Variants in NDUFS1 observed in about 807,000 individuals in gnomAD.
The protein encoded by NDUFS1 is NADH-ubiquinone oxidoreductase 75 kDa subunit, mitochondrial.
NDUFS1 carries 61 observed loss-of-function variants against 84.4 expected under a neutral mutation model. The ratio of observed to expected loss-of-function variants is 0.72; its 90% CI spans 0.59 to 0.89. The LOEUF (loss-of-function observed/expected upper bound fraction) is 0.89, where lower values mean the gene tolerates loss of function less well. Ranked by LOEUF, NDUFS1 falls within the 40% of genes least tolerant of loss-of-function variation. NDUFS1 has a pLI of 0.00. For synonymous variants in NDUFS1, 275 were observed against 290.0 expected (o/e 0.95, Z 0.53); for missense variants, 891 against 890.0 (o/e 1.00, Z -0.01).
rs542321698 is a variant in NDUFS1 at position 206,156,428 on chromosome 2, A to T, written c.-4-2746T>A. Reference sequence around the variant, plus strand: ...TCTCTACCAAAAAAAAAAAAAAATTAGCTGGGTGTGGTGGCATGCGCCTGT... The same window carrying T: ...TCTCTACCAAAAAAAAAAAAAAATTTGCTGGGTGTGGTGGCATGCGCCTGT... On this transcript the variant is annotated intron_variant, in intron 1 of 18. Coordinates refer to ENST00000233190, the MANE Select transcript of NDUFS1 (RefSeq NM_005006.7). Among the ~76,000 whole-genome samples the T allele has an allele frequency of 9.9e-5, 15 of 151,554 alleles. No individual in the cohort carries two copies. In the East Asian group the frequency reaches 2.7e-3, roughly 27 times the overall value.
intron 18 of NDUFS1, among the ~76,000 whole-genome samples, chr2:206,125,245 T>C (rs1691245481): frequency 6.6e-6 from 1 of 152,112 alleles, no homozygotes; most frequent in Admixed American, 6.6e-5. Flanking sequence ...GTGGACTGCT[T>C]GAGTCCAGGA....
intron 10 of NDUFS1, among the ~76,000 whole-genome samples, chr2:206,143,585 G>A (rs890241674): frequency 1.3e-5 from 2 of 149,162 alleles, no homozygotes; most frequent in African/African-American, 4.9e-5. Context: ...TAGGAAGGCA[G>A]CTTTTTTTTT....
chr2:206,124,091 A>T lies in NDUFS1; in HGVS notation c.*94T>A, dbSNP rs1045186862. 16 of 800,354 alleles carry T rather than the reference A, an allele frequency of 2.0e-5. No homozygotes were observed. The highest frequency in any genetic ancestry group is 7.0e-5 in the African/African-American group (4 of 57,072). The allele number at this position is 800,354 out of a possible 1,614,324, so 49.6% of individuals were successfully genotyped here. A position where few individuals can be genotyped will look rare whatever the true frequency, so the allele number is the denominator to read the frequency against. ...ATATTACATGATTCAAATTATTATT[A>T]TTTTTTTTTACAAAGAAATAAACCT... On this transcript the variant is annotated 3_prime_UTR_variant, in exon 19 of 19. Transcript: ENST00000233190.
Position 206,126,532 on chromosome 2 carries a change from T to G in NDUFS1, c.2092+7A>C, listed in dbSNP as rs2105943472. 2.5e-6 allele frequency: 4 copies of G among 1,613,828 alleles called. No homozygotes were observed. Among genetic ancestry groups the G allele is most frequent in the Middle Eastern group, 3.3e-4 (2 of 6,062 alleles). On this transcript the variant is annotated splice_region_variant and intron_variant, in intron 18 of 18. Transcript: ENST00000233190. The stretch of plus-strand genomic sequence containing the variant: ...TATTTGGCAGAGTCATGTTGACAAT[T>G]ACATACCTGTCATGTAGAAGTCTTT...
At chr2:206,158,171 C>G (rs1008285819) in intron 1 of NDUFS1, among the ~76,000 whole-genome samples, 6 of 152,048 alleles carry the variant, frequency 3.9e-5, no homozygotes, top group Admixed American at 2.0e-4. Context: ...ACCGTGTTAG[C>G]CAGGATGGTC....
chr2:206,130,756 G>A (rs980854807), intron 14 of NDUFS1, among the ~76,000 whole-genome samples: 4 of 152,170 alleles, frequency 2.6e-5, no homozygotes, highest in Admixed American at 6.5e-5. Flanking sequence ...AGATTCTTAG[G>A]ACGCTCTGTC....
rs180882369 is a variant in NDUFS1, at chr2:206,131,635, C to T, written c.1553+1310G>A. Reference sequence around the variant, plus strand: ...TGGCGAACATGGTGAAATCCCATCTCTACTAAAAACAAAAAAATTAGGCCG... The same window carrying T: ...TGGCGAACATGGTGAAATCCCATCTTTACTAAAAACAAAAAAATTAGGCCG... On this transcript the variant is annotated intron_variant, in intron 14 of 18. Coordinates refer to ENST00000233190, the MANE Select transcript of NDUFS1 (RefSeq NM_005006.7). Among the ~76,000 whole-genome samples, 727 of 151,868 alleles carry T rather than the reference C, an allele frequency of 4.8e-3. 2 individuals are homozygous for T. The highest frequency in any genetic ancestry group is 0.014 in the Middle Eastern group (4 of 292).
chr2:206,149,704 G>GT, intron 4 of NDUFS1, 114 bp downstream of exon 4: 1 of 760,664 alleles, frequency 1.3e-6, no homozygotes, highest in South Asian at 1.5e-5. Context: ...TTTATAGATA[G>GT]AAGTAAAGAG....
Position 206,149,933 on chromosome 2 carries a change from TAAAAAAA to T in NDUFS1, c.154-15_154-9del, listed in dbSNP as rs568965659. The T allele has an allele frequency of 3.7e-3, 2,222 of 601,930 alleles. 2 individuals carry two copies. The highest frequency in any genetic ancestry group is 5.3e-3 in the Middle Eastern group (10 of 1,888). The allele number at this position is 601,930 out of a possible 1,614,324, so 37.3% of individuals were successfully genotyped here. A position where few individuals can be genotyped will look rare whatever the true frequency, so the allele number is the denominator to read the frequency against. On this transcript the variant is annotated splice_polypyrimidine_tract_variant and intron_variant, in intron 3 of 18. Coordinates refer to ENST00000233190, the MANE Select transcript of NDUFS1 (RefSeq NM_005006.7). ...GCCAACCTTCTCACAAGCCTAGAAG[TAAAAAAA>T]AAAAAAAAAAAAAAAAAAGCATTAG...
At chr2:206,136,523 T>C (rs887540401) in intron 13 of NDUFS1, among the ~76,000 whole-genome samples, 4 of 151,046 alleles carry the variant, frequency 2.6e-5, no homozygotes, top group Middle Eastern at 6.8e-3. Flanking sequence ...AACCTCCGTC[T>C]TCTGGGTTCA....
At position 206,144,016 on chromosome 2, in the gene NDUFS1, A is replaced by C; in HGVS notation, c.987+2T>G. ...TTTAACACTATTTATTTCAAATTTT[A>C]CCATTCCAGCTACGCGAGAGAGCGC... On this transcript the variant is annotated splice_donor_variant, in intron 10 of 18. Transcript: ENST00000233190. LOFTEE classifies it high-confidence loss of function. The C allele has an allele frequency of 6.3e-7, 1 of 1,597,036 alleles. No individual in the cohort carries two copies. Among genetic ancestry groups the C allele is most frequent in the Non-Finnish European group, 8.6e-7 (1 of 1,164,652 alleles).
At chr2:206,138,724 GACAA>G in intron 12 of NDUFS1, 110 bp from the exon 13 acceptor site, 1 of 1,183,370 alleles carries the variant, frequency 8.5e-7, no homozygotes, top group Non-Finnish European at 1.2e-6. Context: ...TAAAAGCACA[GACAA>G]TACATTTAAC....
intron 1 of NDUFS1, among the ~76,000 whole-genome samples, chr2:206,157,625 T>C (rs539604065): frequency 6.6e-6 from 1 of 152,314 alleles, no homozygotes; most frequent in Non-Finnish European, 1.5e-5. Flanking sequence ...TTATCTCCAA[T>C]GCAATATAAA....
chr2:206,117,984 T>C lies in NDUFS1; in HGVS notation c.*6201A>G, dbSNP rs1401542020. Reference sequence around the variant, plus strand: ...AATTAATCACCAGTCTCAGATCATATATTTGCCATTTCCAACATATGCTTT... The same window carrying C: ...AATTAATCACCAGTCTCAGATCATACATTTGCCATTTCCAACATATGCTTT... On this transcript the variant is annotated 3_prime_UTR_variant, in exon 19 of 19. Transcript: ENST00000233190. The C allele has an allele frequency of 6.6e-6, 1 of 152,236 alleles. No homozygotes were observed. The highest frequency in any genetic ancestry group is 2.4e-5 in the African/African-American group (1 of 41,468). 9.4% of individuals were successfully genotyped at this position (152,236 alleles called of 1,614,324 possible). A position where few individuals can be genotyped will look rare whatever the true frequency, so the allele number is the denominator to read the frequency against.
chr2:206,154,545 A>G (rs983622148), intron 1 of NDUFS1, among the ~76,000 whole-genome samples: 1 of 152,248 alleles, frequency 6.6e-6, no homozygotes, highest in African/African-American at 2.4e-5. Flanking sequence ...TTACTGAAAT[A>G]AATGGGTGTC....
intron 3 of NDUFS1, among the ~76,000 whole-genome samples, chr2:206,150,588 G>C (rs1289896070): frequency 1.3e-5 from 2 of 152,168 alleles, no homozygotes; most frequent in Non-Finnish European, 2.9e-5. Flanking sequence ...AAAATGTGTT[G>C]AGTCTTTCCT....
At chr2:206,132,839 G>A in intron 14 of NDUFS1, 106 bp downstream of exon 14, 6 of 1,008,308 alleles carry the variant, frequency 6.0e-6, no homozygotes, top group South Asian at 5.7e-5. Flanking sequence ...CTGGGATAAT[G>A]TTGCTAAATG....
At chr2:206,138,085 AT>A (rs1691788563) in intron 13 of NDUFS1, among the ~76,000 whole-genome samples, 1 of 151,940 alleles carries the variant, frequency 6.6e-6, no homozygotes, top group Admixed American at 6.6e-5. Context: ...TCTTTTCTGT[AT>A]TGGTGTAAGT....
intron 14 of NDUFS1, 64 bp from the exon 15 acceptor site, chr2:206,130,306 A>C (rs1366231651): frequency 2.5e-6 from 4 of 1,571,674 alleles, no homozygotes; most frequent in Non-Finnish European, 3.5e-6. Context: ...ATTAAATGTG[A>C]TTTTTGGAAT....
Sources: allele counts gnomAD v4.1 joint callset (sites outside exome capture counted in the v4.1 genomes callset), GRCh38; gene constraint gnomAD v4.1.1; transcripts MANE v1.5; gene names NCBI Gene and HGNC (gene_info 2026-07-23, HGNC 2026-07-21).